ZNF236: variants seen among roughly 807,000 people sequenced by gnomAD.
ZNF236 encodes the protein zinc finger protein 236, also known as regulated by glucose.
Under a neutral mutation model 191.2 loss-of-function variants are expected in ZNF236, and 50 were observed. The observed-to-expected ratio is 0.26, with a 90% CI of 0.21 to 0.33. The LOEUF (loss-of-function observed/expected upper bound fraction) is 0.33, where lower values mean the gene tolerates loss of function less well. Among genes scored for constraint, ZNF236 ranks in the 10% least tolerant of loss-of-function variants. The pLI is 1.00. For synonymous variants in ZNF236, 907 were observed against 928.8 expected, an observed-to-expected ratio of 0.98 and a Z score of 0.43; for missense variants, 1,754 against 2,374.5, an observed-to-expected ratio of 0.74 and a Z score of 5.43.
At chr18:76,930,358 A>G (rs192705546) in intron 25 of ZNF236, among the ~76,000 whole-genome samples, 2,055 of 152,272 alleles carry the variant, frequency 0.013, 41 homozygotes, top group African/African-American at 0.046. Context: ...TGTCTTGCCT[A>G]CACCTATTTT....
chr18:76,889,287 CTGGTGTGCATCCA>C (rs1977157359), intron 9 of ZNF236, among the ~76,000 whole-genome samples: 1 of 152,214 alleles, frequency 6.6e-6, no homozygotes. Flanking sequence ...CTTTGCATTC[CTGGTGTGCATCCA>C]TGCACACATC....
At chr18:76,861,951 C>A (rs1224967662) in intron 3 of ZNF236, among the ~76,000 whole-genome samples, 1 of 152,234 alleles carries the variant, frequency 6.6e-6, no homozygotes, top group Non-Finnish European at 1.5e-5. Flanking sequence ...GCAAGCTCCA[C>A]CTCCTGGGTT....
chr18:76,926,812 A>G (rs1373733197), intron 22 of ZNF236, among the ~76,000 whole-genome samples: 1 of 100,334 alleles, frequency 1.0e-5, no homozygotes, highest in African/African-American at 3.6e-5. Flanking sequence ...TGTATATGGT[A>G]TAAATAAGGG....
chr18:76,896,204 C>T (rs981756736), intron 10 of ZNF236, among the ~76,000 whole-genome samples: 2 of 151,668 alleles, frequency 1.3e-5, no homozygotes, highest in African/African-American at 2.4e-5. Flanking sequence ...GTACTACACA[C>T]AGGCACCAAA....
At chr18:76,858,174 G>C (rs1030218829) in intron 3 of ZNF236, among the ~76,000 whole-genome samples, 1 of 152,030 alleles carries the variant, frequency 6.6e-6, no homozygotes, top group Non-Finnish European at 1.5e-5. Flanking sequence ...CATATGCGCA[G>C]TTTTTAAAAA....
At chr18:76,828,197 C>T (rs567849830) in intron 1 of ZNF236, among the ~76,000 whole-genome samples, 226 of 150,372 alleles carry the variant, frequency 1.5e-3, no homozygotes, top group African/African-American at 5.2e-3. Flanking sequence ...GACAAGGTCT[C>T]GTTCTCTCAC....
At position 76,969,679 on chromosome 18, in the gene ZNF236, G is replaced by C. The variant is rs1296135244; in HGVS notation, c.*1340G>C. On this transcript the variant is annotated 3_prime_UTR_variant, in exon 31 of 31. Transcript: ENST00000320610. The stretch of plus-strand genomic sequence containing the variant: ...TCTCGTTGCCTCCTTGGTTTCAGAA[G>C]AGAGTAGTTTTATTATAAATATTGT... The C allele has an allele frequency of 6.6e-6, 1 of 152,490 alleles. No homozygotes were observed. The highest frequency in any genetic ancestry group is 1.9e-4 in the East Asian group (1 of 5,198). 9.4% of individuals were successfully genotyped at this position (152,490 alleles called of 1,614,324 possible). A position where few individuals can be genotyped will look rare whatever the true frequency, so the allele number is the denominator to read the frequency against.
chr18:76,827,576 A>G (rs1975053637), intron 1 of ZNF236, among the ~76,000 whole-genome samples: 1 of 152,254 alleles, frequency 6.6e-6, no homozygotes, highest in African/African-American at 2.4e-5. Context: ...ATCTCTAGGT[A>G]TCCTTATAAA....
At chr18:76,884,228 C>T (rs1467209111) in intron 9 of ZNF236, among the ~76,000 whole-genome samples, 3 of 151,590 alleles carry the variant, frequency 2.0e-5, no homozygotes, top group Non-Finnish European at 2.9e-5. Flanking sequence ...GGTGAAACCC[C>T]GTCTCTATTA....
At position 76,908,349 on chromosome 18, in the gene ZNF236, A is replaced by G. The variant is rs1967114415; in HGVS notation, c.2327A>G (p.His776Arg). 2 of 1,614,012 alleles carry G rather than the reference A, an allele frequency of 1.2e-6. No homozygotes were observed. Among genetic ancestry groups the G allele is most frequent in the Non-Finnish European group, 1.7e-6 (2 of 1,179,932 alleles). The change falls in exon 14 of 31, where the codon CAT becomes CGT. Residue 776 changes from histidine to arginine, a missense_variant. By Grantham distance (29) the His-to-Arg change is conservative. Transcript: ENST00000320610. Reference protein sequence around the residue: ...RYELAQQLQQHQQAASIDDST... With the variant: ...RYELAQQLQQRQQAASIDDST... Reference sequence around the variant, plus strand: ...GAGCTTGCCCAGCAGCTCCAACAGCATCAGCAGGCAGCCTCGATAGATGAC... The same window carrying G: ...GAGCTTGCCCAGCAGCTCCAACAGCGTCAGCAGGCAGCCTCGATAGATGAC...
At chr18:76,956,319 T>TG in intron 28 of ZNF236, 137 bp downstream of exon 28, 1 of 975,298 alleles carries the variant, frequency 1.0e-6, no homozygotes, top group Non-Finnish European at 1.5e-6. Context: ...GGTCACTAGA[T>TG]GTAGATGTAT....
intron 20 of ZNF236, among the ~76,000 whole-genome samples, chr18:76,920,565 A>AC (rs397812783): frequency 1.3e-5 from 2 of 151,266 alleles, no homozygotes; most frequent in Non-Finnish European, 3.0e-5. Flanking sequence ...AAAAAAAAAA[A>AC]GTCTGTTTTC....
chr18:76,908,616 G>C (rs749494447), intron 14 of ZNF236, 43 bp downstream of exon 14: 33 of 1,562,566 alleles, frequency 2.1e-5, no homozygotes, highest in African/African-American at 4.0e-5. Flanking sequence ...TCCCAGCAGA[G>C]TTTTGCAGCC....
Position 76,928,740 on chromosome 18 carries a change from T to C in ZNF236, c.4594+634T>C, listed in dbSNP as rs200255212. On this transcript the variant is annotated intron_variant, in intron 25 of 30. Coordinates refer to ENST00000320610, the MANE Select transcript of ZNF236 (RefSeq NM_001306089.2). ...CCTTACGTATCATTAATTCCCATAGTGTGTTCGGATCTCAGTGAGCATTGA... is the reference window on the plus strand; with the variant it reads ...CCTTACGTATCATTAATTCCCATAGCGTGTTCGGATCTCAGTGAGCATTGA... Among the ~76,000 whole-genome samples the C allele has an allele frequency of 1.2e-4, 18 of 152,216 alleles. No homozygotes were observed. The East Asian group carries it at 3.5e-3, about 29-fold the overall frequency.
chr18:76,899,555 AAC>A (rs1370094286), intron 11 of ZNF236, among the ~76,000 whole-genome samples: 4 of 152,228 alleles, frequency 2.6e-5, no homozygotes, highest in Non-Finnish European at 5.9e-5. Context: ...TTTTATGTGA[AAC>A]ACACAGTGCA....
At chr18:76,885,185 G>T in intron 9 of ZNF236, 1 of 152,662 alleles carries the variant, frequency 6.6e-6, no homozygotes, top group Non-Finnish European at 1.5e-5. Flanking sequence ...CTGGGGCGGC[G>T]TGCGAGGAGG....
chr18:76,867,262 A>AT (rs905985841), intron 3 of ZNF236, among the ~76,000 whole-genome samples: 11 of 146,886 alleles, frequency 7.5e-5, no homozygotes, highest in East Asian at 2.0e-4. Context: ...TCAAATTATG[A>AT]TTTTTTTTTG....
At chr18:76,859,720 C>T (rs1055611837) in intron 3 of ZNF236, among the ~76,000 whole-genome samples, 1 of 152,180 alleles carries the variant, frequency 6.6e-6, no homozygotes, top group Non-Finnish European at 1.5e-5. Flanking sequence ...CCGCTGTTTC[C>T]CTTGAACATG....
chr18:76,917,480 T>C (rs912989591), intron 19 of ZNF236, among the ~76,000 whole-genome samples: 27 of 152,240 alleles, frequency 1.8e-4, no homozygotes, highest in African/African-American at 6.3e-4. Flanking sequence ...TCACCTTGTA[T>C]GCCTTGTTTT....
Sources: gnomAD v4.1 joint callset for allele counts (sites outside exome capture counted in the v4.1 genomes callset) on GRCh38, gnomAD v4.1.1 for gene constraint, MANE v1.5 for transcripts, NCBI Gene and HGNC (gene_info 2026-07-23, HGNC 2026-07-21) for gene names.